The following ENPP6 variants were observed in gnomAD, a reference collection of about 807,000 sequenced individuals.
ENPP6 encodes the protein glycerophosphocholine cholinephosphodiesterase ENPP6.
A neutral mutation model predicts 42.0 loss-of-function variants in ENPP6; 32 were observed. That is an observed-to-expected ratio of 0.76 (90% CI 0.58 to 1.02). The LOEUF (loss-of-function observed/expected upper bound fraction) is 1.02, where lower values mean the gene tolerates loss of function less well. Ranked by LOEUF, ENPP6 falls within the 50% of genes least tolerant of loss-of-function variation. ENPP6 has a pLI of 0.00. For missense variants in ENPP6, 552 were observed against 566.8 expected, an observed-to-expected ratio of 0.97 and a Z score of 0.27; for synonymous variants, 213 against 216.0, an observed-to-expected ratio of 0.99 and a Z score of 0.12.
chr4:184,158,014 C>G (rs1308308447), intron 1 of ENPP6, among the ~76,000 whole-genome samples: 1 of 152,116 alleles, frequency 6.6e-6, no homozygotes, highest in Non-Finnish European at 1.5e-5. Flanking sequence ...CAGTCAATGT[C>G]AATTCCTTTT....
At position 184,145,836 on chromosome 4, in the gene ENPP6, T is replaced by G. The variant is rs999015627; in HGVS notation, c.421+7718A>C. 3.3e-5 allele frequency among the ~76,000 whole-genome samples: 5 copies of G among 152,238 alleles called. No individual in the cohort carries two copies. The South Asian group carries it at 1.0e-3, about 31-fold the overall frequency. Reference sequence around the variant, plus strand: ...TGTGCGATGCGTGTCAGGGAATTCCTTACTGTAAACCCATAGGGGCCAGTG... The same window carrying G: ...TGTGCGATGCGTGTCAGGGAATTCCGTACTGTAAACCCATAGGGGCCAGTG... On this transcript the variant is annotated intron_variant, in intron 2 of 7. Coordinates refer to ENST00000296741, the MANE Select transcript of ENPP6 (RefSeq NM_153343.4).
At chr4:184,200,554 G>A (rs1312439164) in intron 1 of ENPP6, among the ~76,000 whole-genome samples, 2 of 152,188 alleles carry the variant, frequency 1.3e-5, no homozygotes, top group African/African-American at 4.8e-5. Flanking sequence ...CAACCTCAGG[G>A]CTCCATTTGT....
At chr4:184,169,347 A>G (rs1206800878) in intron 1 of ENPP6, among the ~76,000 whole-genome samples, 1 of 152,128 alleles carries the variant, frequency 6.6e-6, no homozygotes, top group Admixed American at 6.5e-5. Context: ...AGCTGGGAAG[A>G]AATGTCCCCA....
intron 3 of ENPP6, among the ~76,000 whole-genome samples, chr4:184,122,096 T>C (rs767931988): frequency 3.9e-5 from 6 of 152,154 alleles, no homozygotes; most frequent in Non-Finnish European, 8.8e-5. Flanking sequence ...AAGGGGCTGT[T>C]TCTGGTGGCC....
chr4:184,208,486 T>C lies in ENPP6; in HGVS notation c.241+9093A>G, dbSNP rs151153745. On this transcript the variant is annotated intron_variant, in intron 1 of 7. Transcript: ENST00000296741. ...TCAAAGAAAGGGGTGACGGATGGCA[T>C]CTGGAAAATCGGGTCACTCCCACCC... 9.2e-3 allele frequency among the ~76,000 whole-genome samples: 1,406 copies of C among 152,162 alleles called. 24 individuals are homozygous for C. Among genetic ancestry groups the C allele is most frequent in the African/African-American group, 0.032 (1,323 of 41,494 alleles).
intron 7 of ENPP6, among the ~76,000 whole-genome samples, chr4:184,094,394 G>T (rs1481406380): frequency 6.6e-6 from 1 of 152,192 alleles, no homozygotes; most frequent in Admixed American, 6.5e-5. Flanking sequence ...ATATGAAATC[G>T]AATTCTGTGC....
At chr4:184,110,464 A>C (rs1736180252) in intron 6 of ENPP6, among the ~76,000 whole-genome samples, 1 of 152,174 alleles carries the variant, frequency 6.6e-6, no homozygotes, top group Non-Finnish European at 1.5e-5. Flanking sequence ...TTGTATTCAT[A>C]ACTGTGTATG....
At chr4:184,170,568 G>A (rs988136261) in intron 1 of ENPP6, among the ~76,000 whole-genome samples, 1 of 152,132 alleles carries the variant, frequency 6.6e-6, no homozygotes, top group Non-Finnish European at 1.5e-5. Flanking sequence ...TATTTATGGA[G>A]GGAACTGGGT....
intron 6 of ENPP6, among the ~76,000 whole-genome samples, chr4:184,106,871 G>A (rs775976688): frequency 2.0e-5 from 3 of 152,210 alleles, no homozygotes; most frequent in African/African-American, 2.4e-5. Flanking sequence ...CTGCTGGTTC[G>A]CTAGGTGCAC....
At chr4:184,115,058 T>C (rs1224242795) in intron 5 of ENPP6, among the ~76,000 whole-genome samples, 1 of 152,088 alleles carries the variant, frequency 6.6e-6, no homozygotes, top group Non-Finnish European at 1.5e-5. Context: ...CTTAAGGAAA[T>C]CCGGAGTTCT....
chr4:184,098,016 G>T (rs1735940513), intron 6 of ENPP6, among the ~76,000 whole-genome samples: 1 of 152,218 alleles, frequency 6.6e-6, no homozygotes, highest in Non-Finnish European at 1.5e-5. Context: ...GAGCCCCTCG[G>T]GAGTGGAAGC....
rs546059052 is a variant in ENPP6 at position 184,192,408 on chromosome 4, C to T, written c.241+25171G>A. Among the ~76,000 whole-genome samples, 21 of 152,154 alleles carry T rather than the reference C, an allele frequency of 1.4e-4. No homozygotes were observed. The East Asian group carries it at 1.9e-3, about 14-fold the overall frequency. The stretch of plus-strand genomic sequence containing the variant: ...GGAATAGTCTTTTTCACAAATAGTG[C>T]GGGGACAACTACCTCACACTGTATA... On this transcript the variant is annotated intron_variant, in intron 1 of 7. Transcript: ENST00000296741.
At chr4:184,122,613 G>A (rs1380225904) in intron 3 of ENPP6, among the ~76,000 whole-genome samples, 3 of 152,212 alleles carry the variant, frequency 2.0e-5, no homozygotes, top group Non-Finnish European at 4.4e-5. Flanking sequence ...GTAGGCCAGT[G>A]CCAACCTGGG....
At chr4:184,092,118 G>A (rs1389029659) in intron 7 of ENPP6, among the ~76,000 whole-genome samples, 2 of 151,994 alleles carry the variant, frequency 1.3e-5, no homozygotes, top group Non-Finnish European at 2.9e-5. Flanking sequence ...AGCCCGGACC[G>A]ACAGCCAGAG....
chr4:184,171,925 A>G (rs1737473559), intron 1 of ENPP6, among the ~76,000 whole-genome samples: 1 of 152,210 alleles, frequency 6.6e-6, no homozygotes, highest in African/African-American at 2.4e-5. Flanking sequence ...TGTAAGCTGA[A>G]AGACAGGACA....
chr4:184,117,343 C>T (rs751691000), intron 4 of ENPP6, among the ~76,000 whole-genome samples: 25 of 152,214 alleles, frequency 1.6e-4, no homozygotes, highest in African/African-American at 2.7e-4. Flanking sequence ...AGAACTATCA[C>T]GTGCCCATGT....
At chr4:184,148,068 G>C (rs947505224) in intron 2 of ENPP6, among the ~76,000 whole-genome samples, 1 of 152,120 alleles carries the variant, frequency 6.6e-6, no homozygotes, top group Non-Finnish European at 1.5e-5. Flanking sequence ...ATGTCATCAT[G>C]CTTGCTTTTC....
At chr4:184,129,528 C>T (rs1165680173) in intron 2 of ENPP6, among the ~76,000 whole-genome samples, 2 of 152,108 alleles carry the variant, frequency 1.3e-5, no homozygotes, top group African/African-American at 2.4e-5. Flanking sequence ...TCACTGTTAC[C>T]CATTGAGACT....
At chr4:184,216,218 C>T (rs1475124868) in intron 1 of ENPP6, among the ~76,000 whole-genome samples, 1 of 152,238 alleles carries the variant, frequency 6.6e-6, no homozygotes, top group Middle Eastern at 3.2e-3. Context: ...AGCCTGCAAA[C>T]TGCTTCCCTG....
Sources: gnomAD v4.1 joint callset for allele counts (sites outside exome capture counted in the v4.1 genomes callset) on GRCh38, gnomAD v4.1.1 for gene constraint, MANE v1.5 for transcripts, NCBI Gene and HGNC (gene_info 2026-07-23, HGNC 2026-07-21) for gene names.